The following SDC2 variants were observed in gnomAD, a reference collection of about 807,000 sequenced individuals.
SDC2 encodes syndecan-2.
Under a neutral mutation model 22.2 loss-of-function variants are expected in SDC2, and 13 were observed. That is an observed-to-expected ratio of 0.59 (90% CI 0.38 to 0.93). The LOEUF is 0.93. SDC2 is among the 40% of genes least tolerant of loss of function. The pLI is 0.00. For missense variants in SDC2, 235 were observed against 246.8 expected (o/e 0.95, Z 0.32); for synonymous variants, 94 against 92.8 (o/e 1.01, Z -0.07).
chr8:96,555,682 G>A (rs1814097036), intron 1 of SDC2, among the ~76,000 whole-genome samples: 1 of 152,084 alleles, frequency 6.6e-6, no homozygotes, highest in Admixed American at 6.5e-5. Context: ...TCATGGTTTT[G>A]AACATTTTCA....
rs1173617625 is a variant in SDC2, at chr8:96,610,118, A to T, written c.*570A>T. On this transcript the variant is annotated 3_prime_UTR_variant, in exon 5 of 5. Transcript: ENST00000302190. ...CTTTGTATAAATTTTTAAGTGTCAGACTATCCATTTTACACTTGCTTTATT... is the reference window on the plus strand; with the variant it reads ...CTTTGTATAAATTTTTAAGTGTCAGTCTATCCATTTTACACTTGCTTTATT... The T allele has an allele frequency of 1.3e-5, 2 of 152,644 alleles. No individual in the cohort carries two copies. Among genetic ancestry groups the T allele is most frequent in the Non-Finnish European group, 2.9e-5 (2 of 68,044 alleles). The allele number at this position is 152,644 out of a possible 1,614,324, so 9.5% of individuals were successfully genotyped here.
chr8:96,608,955 G>A (rs1815130770), intron 4 of SDC2, among the ~76,000 whole-genome samples: 1 of 152,064 alleles, frequency 6.6e-6, no homozygotes, highest in African/African-American at 2.4e-5. Context: ...AGGCACACTT[G>A]GTAGTCTCAA....
In SDC2 at chr8:96,565,295, C is replaced by T. The variant is rs529454538; in HGVS notation, c.61-28185C>T. On this transcript the variant is annotated intron_variant, in intron 1 of 4. Coordinates refer to ENST00000302190, the MANE Select transcript of SDC2 (RefSeq NM_002998.4). The stretch of plus-strand genomic sequence containing the variant: ...AGAGACAGGGTTTCACCATGTTGGC[C>T]GGGATGGTCTCGATCTCCTGACCTC... Among the ~76,000 whole-genome samples, 11 of 151,340 alleles carry T rather than the reference C, an allele frequency of 7.3e-5. No individual in the cohort carries two copies. The South Asian group carries it at 8.4e-4, about 12-fold the overall frequency.
At chr8:96,526,172 G>A (rs1466923584) in intron 1 of SDC2, among the ~76,000 whole-genome samples, 1 of 152,142 alleles carries the variant, frequency 6.6e-6, no homozygotes, top group Non-Finnish European at 1.5e-5. Flanking sequence ...CCCCAAAGTG[G>A]CTTTGCACCT....
intron 2 of SDC2, among the ~76,000 whole-genome samples, chr8:96,599,851 C>A (rs961644211): frequency 2.0e-5 from 3 of 152,034 alleles, no homozygotes; most frequent in Non-Finnish European, 4.4e-5. Context: ...AGAAATGAAC[C>A]GGCCAGGAGC....
intron 1 of SDC2, among the ~76,000 whole-genome samples, chr8:96,571,054 G>C (rs746911252): frequency 1.3e-5 from 2 of 152,130 alleles, no homozygotes; most frequent in African/African-American, 2.4e-5. Context: ...AGTTCAAATG[G>C]CAAATTTTAG....
At chr8:96,593,687 C>A in intron 2 of SDC2, 96 bp downstream of exon 2, 1 of 804,162 alleles carries the variant, frequency 1.2e-6, no homozygotes. Context: ...GCAGGATGCA[C>A]AGTGGTTAAG....
At chr8:96,539,784 T>C (rs900778626) in intron 1 of SDC2, among the ~76,000 whole-genome samples, 1 of 152,240 alleles carries the variant, frequency 6.6e-6, no homozygotes, top group East Asian at 1.9e-4. Context: ...ATTTCTGATA[T>C]TTATAGTCTT....
At chr8:96,601,559 T>G (rs1814985373) in intron 2 of SDC2, among the ~76,000 whole-genome samples, 1 of 143,566 alleles carries the variant, frequency 7.0e-6, no homozygotes, top group African/African-American at 2.6e-5. Context: ...GAGAATCACT[T>G]CAACCTGGAA....
chr8:96,512,493 A>G (rs532319709), intron 1 of SDC2, among the ~76,000 whole-genome samples: 1 of 152,310 alleles, frequency 6.6e-6, no homozygotes, highest in African/African-American at 2.4e-5. Context: ...GTGATAGAAA[A>G]GGATTGGTTC....
intron 1 of SDC2, among the ~76,000 whole-genome samples, chr8:96,555,713 G>A (rs1413508787): frequency 6.6e-6 from 1 of 152,126 alleles, no homozygotes; most frequent in Non-Finnish European, 1.5e-5. Context: ...CCACTTCTCA[G>A]TTACTCCAGA....
At chr8:96,597,596 A>G (rs1814900419) in intron 2 of SDC2, among the ~76,000 whole-genome samples, 1 of 152,224 alleles carries the variant, frequency 6.6e-6, no homozygotes. Flanking sequence ...AAAAAAATTC[A>G]CAGAAAAACA....
At chr8:96,604,973 G>T (rs78563613) in intron 3 of SDC2, among the ~76,000 whole-genome samples, 10,123 of 152,232 alleles carry the variant, frequency 0.066, 478 homozygotes, top group East Asian at 0.22. Flanking sequence ...ACCCAGAGCC[G>T]CTTGAGGCTT....
chr8:96,563,827 C>T (rs532331903), intron 1 of SDC2, among the ~76,000 whole-genome samples: 17 of 152,324 alleles, frequency 1.1e-4, no homozygotes, highest in African/African-American at 4.1e-4. Context: ...TTGGTGCCAG[C>T]TGACAGGCCC....
intron 1 of SDC2, among the ~76,000 whole-genome samples, chr8:96,504,964 G>T (rs373719772): frequency 8.7e-4 from 132 of 152,146 alleles, no homozygotes; most frequent in African/African-American, 2.7e-3. Context: ...TGGCAGACAG[G>T]TGTGGGGGTC....
chr8:96,511,417 ATTTAAG>A (rs1813326567), intron 1 of SDC2, among the ~76,000 whole-genome samples: 1 of 152,210 alleles, frequency 6.6e-6, no homozygotes. Flanking sequence ...ACTGAATCGT[ATTTAAG>A]TTTAACAAGA....
intron 1 of SDC2, among the ~76,000 whole-genome samples, chr8:96,578,959 G>C (rs1814548354): frequency 6.6e-6 from 1 of 152,218 alleles, no homozygotes; most frequent in African/African-American, 2.4e-5. Flanking sequence ...CCAGGAATGT[G>C]AAACCTGAAT....
chr8:96,592,764 C>T (rs1814804255), intron 1 of SDC2, among the ~76,000 whole-genome samples: 1 of 152,196 alleles, frequency 6.6e-6, no homozygotes, highest in Non-Finnish European at 1.5e-5. Flanking sequence ...AAAGAATGTG[C>T]TCGTGTGGGT....
At chr8:96,499,968 G>A (rs1484526441) in intron 1 of SDC2, among the ~76,000 whole-genome samples, 2 of 152,076 alleles carry the variant, frequency 1.3e-5, no homozygotes, top group Non-Finnish European at 2.9e-5. Context: ...GATACCCGTG[G>A]GCCTGGACAT....
Sources: gnomAD v4.1 joint callset for allele counts (sites outside exome capture counted in the v4.1 genomes callset) on GRCh38, gnomAD v4.1.1 for gene constraint, MANE v1.5 for transcripts, NCBI Gene and HGNC (gene_info 2026-07-23, HGNC 2026-07-21) for gene names.